The following POM121 variants were observed in gnomAD, a reference collection of about 807,000 sequenced individuals.
POM121 encodes POM121 transmembrane nucleoporin, also known as nuclear envelope pore membrane protein POM 121.
POM121 carries 32 observed loss-of-function variants against 81.3 expected under a neutral mutation model. The observed-to-expected ratio is 0.39, with a 90% CI of 0.30 to 0.53. POM121 has a LOEUF of 0.53. POM121 is among the 20% of genes least tolerant of loss of function. The pLI, the probability that POM121 is intolerant of heterozygous loss-of-function variation, is 0.66. For synonymous variants in POM121, 514 were observed against 694.2 expected, an observed-to-expected ratio of 0.74 and a Z score of 4.08; for missense variants, 1,138 against 1,614.6, an observed-to-expected ratio of 0.70 and a Z score of 5.06.
At chr7:72,932,446 A>T (rs1554498774) in intron 5 of POM121, among the ~76,000 whole-genome samples, 1 of 151,634 alleles carries the variant, frequency 6.6e-6, no homozygotes, top group African/African-American at 2.4e-5. Flanking sequence ...CTGCATAGGT[A>T]CTTTAGTCCT....
At chr7:72,927,919 T>G (rs1222602600) in intron 3 of POM121, among the ~76,000 whole-genome samples, 1 of 152,112 alleles carries the variant, frequency 6.6e-6, no homozygotes, top group Non-Finnish European at 1.5e-5. Flanking sequence ...AACACCATTT[T>G]ATAAGGCTGG....
intron 11 of POM121, among the ~76,000 whole-genome samples, chr7:72,944,761 A>C (rs1436918507): frequency 6.6e-6 from 1 of 151,434 alleles, no homozygotes; most frequent in Non-Finnish European, 1.5e-5. Context: ...AGTTGTGGTG[A>C]CAGTGTGGCT....
At position 72,946,323 on chromosome 7, in the gene POM121, C is replaced by G; in HGVS notation, c.*89C>G. The G allele has an allele frequency of 6.6e-7, 1 of 1,523,294 alleles. No homozygotes were observed. The allele number at this position is 1,523,294 out of a possible 1,614,324, so 94.4% of individuals were successfully genotyped here. A position where few individuals can be genotyped will look rare whatever the true frequency, so the allele number is the denominator to read the frequency against. Reference sequence around the variant, plus strand: ...GAAGAGCCTTGGACCCTTCCAGTTGCGTAAAGCAAACCTACCCCGGATCTC... The same window carrying G: ...GAAGAGCCTTGGACCCTTCCAGTTGGGTAAAGCAAACCTACCCCGGATCTC... On this transcript the variant is annotated 3_prime_UTR_variant, in exon 13 of 13. Transcript: ENST00000434423.
chr7:72,931,930 C>G (rs1796067751), intron 5 of POM121, among the ~76,000 whole-genome samples: 1 of 151,904 alleles, frequency 6.6e-6, no homozygotes, highest in Non-Finnish European at 1.5e-5. Flanking sequence ...ATTAAGACGG[C>G]TGAAGTCAGT....
At chr7:72,941,297 G>A (rs1472291740) in intron 10 of POM121, among the ~76,000 whole-genome samples, 4 of 152,104 alleles carry the variant, frequency 2.6e-5, no homozygotes, top group Admixed American at 2.0e-4. Flanking sequence ...TGAATGTGGT[G>A]GCGTGGTCAG....
At chr7:72,907,848 C>T (rs1793417564) in intron 3 of POM121, among the ~76,000 whole-genome samples, 1 of 152,166 alleles carries the variant, frequency 6.6e-6, no homozygotes, top group African/African-American at 2.4e-5. Context: ...TCTTTCCTCT[C>T]CTTCTGGGAA....
At chr7:72,941,661 T>C (rs1181005457) in intron 10 of POM121, among the ~76,000 whole-genome samples, 176 bp from the exon 11 acceptor site, 1 of 151,998 alleles carries the variant, frequency 6.6e-6, no homozygotes, top group Non-Finnish European at 1.5e-5. Flanking sequence ...ATCTGTGAGG[T>C]AGAAATAACA....
At chr7:72,948,438 C>T (rs1797851399), downstream of POM121, 5 of 1,613,304 alleles carry the variant, frequency 3.1e-6, no homozygotes, top group South Asian at 1.1e-5. Context: ...ACGGAGAGGA[C>T]AGGCATCTTC....
At chr7:72,948,900 G>C, downstream of POM121, 5 of 1,612,016 alleles carry the variant, frequency 3.1e-6, no homozygotes, top group Non-Finnish European at 4.2e-6. Context: ...ACCTGAAGGC[G>C]CCCGGGTTCT....
At position 72,943,935 on chromosome 7, in the gene POM121, G is replaced by A. The variant is rs558586502; in HGVS notation, c.3529+413G>A. Among the ~76,000 whole-genome samples, 60 of 152,278 alleles carry A rather than the reference G, an allele frequency of 3.9e-4. 1 individual carries two copies. The highest frequency in any genetic ancestry group is 7.2e-4 in the Non-Finnish European group (49 of 68,014). On this transcript the variant is annotated intron_variant, in intron 11 of 12. Coordinates refer to ENST00000434423, the MANE Select transcript of POM121 (RefSeq NM_001387691.1). ...CCCACCTGTAATCCCAGCTACTCAG[G>A]AGGCTGAGGCACAAGAATGGTTTGA...
chr7:72,938,478 A>G, intron 5 of POM121, 112 bp from the exon 6 acceptor site: 1 of 1,281,196 alleles, frequency 7.8e-7, no homozygotes, highest in East Asian at 2.3e-5. Context: ...GGCATGACTA[A>G]CCATTTAACC....
At chr7:72,926,655 A>G (rs1795477564) in intron 2 of POM121, 147 bp from the exon 3 acceptor site, 1 of 1,469,398 alleles carries the variant, frequency 6.8e-7, no homozygotes, top group Non-Finnish European at 9.2e-7. Context: ...ACGAAAAAGT[A>G]GCTTTACTTG....
chr7:72,894,799 G>C (rs1347165706), intron 3 of POM121, among the ~76,000 whole-genome samples: 1 of 151,986 alleles, frequency 6.6e-6, no homozygotes, highest in Admixed American at 6.6e-5. Flanking sequence ...TGGCACTACA[G>C]GTGCGCACAG....
downstream of POM121, chr7:72,948,960 G>A (rs568351595): frequency 1.4e-4 from 225 of 1,611,550 alleles, 2 homozygotes; most frequent in East Asian, 3.6e-3. Context: ...GGCAGAGGGA[G>A]CACATGGAGT....
intron 1 of POM121, among the ~76,000 whole-genome samples, chr7:72,885,196 C>A (rs1357561402): frequency 6.6e-6 from 1 of 152,078 alleles, no homozygotes; most frequent in East Asian, 1.9e-4. Context: ...GTCTGGAATG[C>A]TACATGGAAC....
At chr7:72,889,868 C>T (rs1449453388) in intron 1 of POM121, among the ~76,000 whole-genome samples, 2 of 151,944 alleles carry the variant, frequency 1.3e-5, no homozygotes, top group East Asian at 3.9e-4. Flanking sequence ...GGTACTTTTA[C>T]ACCTCATCAT....
At chr7:72,949,667 G>A, downstream of POM121, 1 of 664,202 alleles carries the variant, frequency 1.5e-6, no homozygotes, top group Non-Finnish European at 2.8e-6. Flanking sequence ...TCTGCCCCAA[G>A]GGCTAAGGGA....
downstream of POM121, chr7:72,950,612 A>C: frequency 5.8e-6 from 1 of 172,876 alleles, no homozygotes; most frequent in East Asian, 1.5e-4. Context: ...TTCTTGATGG[A>C]TGAGGAGTTA....
chr7:72,920,145 CAT>C (rs1368837026), upstream of POM121, among the ~76,000 whole-genome samples: 6 of 152,140 alleles, frequency 3.9e-5, no homozygotes, highest in South Asian at 6.2e-4. Flanking sequence ...GCTTTGTAAA[CAT>C]GTGGGATATA....
Sources: gnomAD v4.1 joint callset for allele counts (sites outside exome capture counted in the v4.1 genomes callset) on GRCh38, gnomAD v4.1.1 for gene constraint, MANE v1.5 for transcripts, NCBI Gene and HGNC (gene_info 2026-07-23, HGNC 2026-07-21) for gene names.